POTEG: variants seen among roughly 807,000 people sequenced by gnomAD.
The protein encoded by POTEG is ANKRD26-like family C member 2.
POTEG carries 2 observed loss-of-function variants against 49.6 expected under a neutral mutation model. That is an observed-to-expected ratio of 0.04 (90% CI 0.02 to 0.13). POTEG has a LOEUF of 0.13. Ranked by LOEUF, POTEG falls within the 10% of genes least tolerant of loss-of-function variation. The probability of loss-of-function intolerance (pLI) is 1.00; values close to 1 mark genes in which losing one functional copy is unlikely to be tolerated. For synonymous variants in POTEG, 7 were observed against 186.6 expected (o/e 0.04, Z 7.84); for missense variants, 26 against 545.2 (o/e 0.05, Z 9.48).
chr14:19,414,237 A>T (rs1406967499), intron 8 of POTEG, among the ~76,000 whole-genome samples: 1 of 139,042 alleles, frequency 7.2e-6, no homozygotes, highest in Non-Finnish European at 1.6e-5. Flanking sequence ...CAGAATAAAA[A>T]ATTATCTACT....
intron 4 of POTEG, chr14:19,424,622 G>A (rs1883884558): frequency 1.1e-5 from 1 of 91,446 alleles, no homozygotes. Flanking sequence ...TTTCATCACA[G>A]CTTCCCTAGA....
chr14:19,420,022 C>T (rs1311656894), intron 6 of POTEG, among the ~76,000 whole-genome samples: 2 of 137,934 alleles, frequency 1.4e-5, no homozygotes, highest in East Asian at 2.1e-4. Flanking sequence ...TTGGTATTAG[C>T]AAAAGTGAAT....
chr14:19,414,266 G>C (rs1449709878), intron 8 of POTEG, among the ~76,000 whole-genome samples: 181 of 142,718 alleles, frequency 1.3e-3, no homozygotes, highest in African/African-American at 4.4e-3. Context: ...ATTTTCTATT[G>C]ATAATCAGAC....
intron 7 of POTEG, among the ~76,000 whole-genome samples, chr14:19,415,155 T>C (rs1464895175): frequency 2.2e-4 from 32 of 144,678 alleles, no homozygotes; most frequent in Non-Finnish European, 4.5e-4. Context: ...TAATTGAAAT[T>C]ATATACTGTA....
At chr14:19,415,729 T>A (rs1324906314) in intron 7 of POTEG, among the ~76,000 whole-genome samples, 1 of 152,088 alleles carries the variant, frequency 6.6e-6, no homozygotes, top group Non-Finnish European at 1.5e-5. Flanking sequence ...CATAGTGGGT[T>A]ATGTTGAAGT....
intron 7 of POTEG, among the ~76,000 whole-genome samples, chr14:19,415,829 A>ATATTCTTTTTTTTTTTTTTTTT (rs1491555758): frequency 2.1e-5 from 2 of 96,700 alleles, no homozygotes. Context: ...ATCTATTAAA[A>ATATTCTTTTTTTTTTTTTTTTT]TTTTTTTTTT....
intron 7 of POTEG, among the ~76,000 whole-genome samples, chr14:19,415,041 T>G (rs1883497467): frequency 6.9e-6 from 1 of 145,548 alleles, no homozygotes; most frequent in African/African-American, 2.5e-5. Flanking sequence ...CACAGTGCAC[T>G]GAAGTGCTTT....
At chr14:19,432,307 C>T (rs1884161856) in intron 1 of POTEG, among the ~76,000 whole-genome samples, 1 of 84,602 alleles carries the variant, frequency 1.2e-5, no homozygotes, top group Admixed American at 1.3e-4. Context: ...GAGATCGCAC[C>T]ACTGCACTCC....
rs1884261203 is a variant in POTEG at position 19,433,786 on chromosome 14, CTTG to C, written c.501_503del (p.Asn167del). The C allele has an allele frequency of 6.2e-7, 1 of 1,604,502 alleles. No individual in the cohort carries two copies. Among genetic ancestry groups the C allele is most frequent in the Non-Finnish European group, 8.5e-7 (1 of 1,177,128 alleles). ...CTGGTTACCTCTTTTGCTTGTCCTT[CTTG>C]TTCATGTCAGTGTCCTTGAGCATGA... On this transcript the variant is annotated inframe_deletion, in exon 1 of 11. Transcript: ENST00000547848.
chr14:19,420,009 CT>C (rs1346950055), intron 6 of POTEG, among the ~76,000 whole-genome samples: 1 of 140,298 alleles, frequency 7.1e-6, no homozygotes, highest in Non-Finnish European at 1.5e-5. Flanking sequence ...GTATCTCACA[CT>C]TTTGGTATTA....
chr14:19,432,362 T>TGTTTTA (rs1566383022), intron 1 of POTEG, among the ~76,000 whole-genome samples: 5 of 31,624 alleles, frequency 1.6e-4, no homozygotes, highest in Admixed American at 4.0e-4. Flanking sequence ...AAAAAAGAAA[T>TGTTTTA]TTTGTATATA....
intron 7 of POTEG, among the ~76,000 whole-genome samples, chr14:19,415,829 A>ATATTCTTTTTTTTTTTTTTTTTTTTTTTT (rs1491555758): frequency 1.0e-5 from 1 of 96,700 alleles, no homozygotes; most frequent in African/African-American, 4.5e-5. Flanking sequence ...ATCTATTAAA[A>ATATTCTTTTTTTTTTTTTTTTTTTTTTTT]TTTTTTTTTT....
chr14:19,432,478 A>ATG (rs1491426202), intron 1 of POTEG, among the ~76,000 whole-genome samples: 19 of 104,476 alleles, frequency 1.8e-4, no homozygotes, highest in East Asian at 7.5e-4. Flanking sequence ...ATATATATAC[A>ATG]TGTGTATATA....
chr14:19,433,118 G>C (rs1417613920), intron 1 of POTEG, among the ~76,000 whole-genome samples: 10 of 147,206 alleles, frequency 6.8e-5, no homozygotes, highest in African/African-American at 2.5e-4. Context: ...TAGTAGAGAC[G>C]GGGTTTCACC....
At chr14:19,417,472 G>C (rs1316008690) in intron 6 of POTEG, among the ~76,000 whole-genome samples, 1 of 128,188 alleles carries the variant, frequency 7.8e-6, no homozygotes, top group African/African-American at 3.0e-5. Context: ...AGATTAAAAG[G>C]GGTAGAGGGC....
chr14:19,414,140 A>T (rs200227082), intron 8 of POTEG, among the ~76,000 whole-genome samples: 7,523 of 91,900 alleles, frequency 0.082, 8 homozygotes, highest in African/African-American at 0.09. Flanking sequence ...GTGAAACTGC[A>T]GAGGTACAAT....
intron 7 of POTEG, among the ~76,000 whole-genome samples, chr14:19,415,005 T>C (rs1274001823): frequency 6.9e-6 from 1 of 144,092 alleles, no homozygotes; most frequent in Non-Finnish European, 1.6e-5. Context: ...AGAGTTTACC[T>C]CATGAAACCC....
chr14:19,414,361 C>A, intron 8 of POTEG, among the ~76,000 whole-genome samples: 1 of 146,000 alleles, frequency 6.8e-6, no homozygotes, highest in East Asian at 2.0e-4. Flanking sequence ...GGGACTATTC[C>A]ATAATAATGA....
At chr14:19,414,919 AC>A (rs1883491269) in intron 7 of POTEG, among the ~76,000 whole-genome samples, 2 of 125,170 alleles carry the variant, frequency 1.6e-5, no homozygotes, top group African/African-American at 5.3e-5. Flanking sequence ...ACTAAACTTA[AC>A]TTGTTATGTG....
Sources: allele counts gnomAD v4.1 joint callset (sites outside exome capture counted in the v4.1 genomes callset), GRCh38; gene constraint gnomAD v4.1.1; transcripts MANE v1.5; gene names NCBI Gene and HGNC (gene_info 2026-07-23, HGNC 2026-07-21).